STXBP6: variants seen among roughly 807,000 people sequenced by gnomAD.
STXBP6 encodes the protein syntaxin-binding protein 6.
Under a neutral mutation model 26.9 loss-of-function variants are expected in STXBP6, and 21 were observed. That is an observed-to-expected ratio of 0.78 (90% CI 0.55 to 1.12). STXBP6 has a LOEUF of 1.12. Among genes scored for constraint, STXBP6 ranks in the 50% most tolerant of loss-of-function variants. The pLI is 0.00. For synonymous variants in STXBP6, 97 were observed against 92.6 expected (o/e 1.05, Z -0.27); for missense variants, 232 against 257.9 (o/e 0.90, Z 0.69).
chr14:24,961,653 G>C (rs1233034990), intron 2 of STXBP6, among the ~76,000 whole-genome samples: 3 of 152,016 alleles, frequency 2.0e-5, no homozygotes, highest in Admixed American at 2.0e-4. Context: ...AAGGCAGCAG[G>C]GTGGAAAGGA....
intron 2 of STXBP6, among the ~76,000 whole-genome samples, chr14:24,905,917 G>A (rs1297917101): frequency 6.6e-6 from 1 of 152,080 alleles, no homozygotes; most frequent in Non-Finnish European, 1.5e-5. Flanking sequence ...TAAATTGTGG[G>A]CCACAGAAAT....
intron 2 of STXBP6, among the ~76,000 whole-genome samples, chr14:24,893,290 T>A (rs574965066): frequency 9.8e-5 from 15 of 152,344 alleles, no homozygotes; most frequent in Admixed American, 9.8e-4. Flanking sequence ...TTCAAAGTAT[T>A]CTGCATATAT....
At chr14:25,045,828 G>C (rs780263310) in intron 1 of STXBP6, among the ~76,000 whole-genome samples, 1 of 151,814 alleles carries the variant, frequency 6.6e-6, no homozygotes, top group Non-Finnish European at 1.5e-5. Context: ...GGCTGCTCTT[G>C]AACTCCTGAC....
chr14:24,974,633 T>G (rs141429691), intron 2 of STXBP6, 32 bp downstream of exon 2: 1 of 1,520,516 alleles, frequency 6.6e-7, no homozygotes, highest in African/African-American at 1.4e-5. Flanking sequence ...ATGGAAGTTA[T>G]TTTAATAATA....
chr14:25,030,764 G>A (rs144134657), intron 1 of STXBP6, among the ~76,000 whole-genome samples: 129 of 152,046 alleles, frequency 8.5e-4, no homozygotes, highest in African/African-American at 2.4e-3. Flanking sequence ...AAATTGCTAC[G>A]GCCTGGCTTC....
chr14:24,885,380 G>T (rs1356600656), intron 2 of STXBP6, among the ~76,000 whole-genome samples: 1 of 152,110 alleles, frequency 6.6e-6, no homozygotes, highest in Non-Finnish European at 1.5e-5. Flanking sequence ...TGTACTCAAG[G>T]TTTGGCATAT....
At chr14:24,857,183 A>G in intron 2 of STXBP6, 26 bp from the exon 3 acceptor site, 1 of 1,612,060 alleles carries the variant, frequency 6.2e-7, no homozygotes, top group Non-Finnish European at 8.5e-7. Flanking sequence ...CACTCAGATT[A>G]GTGCACCTGC....
At chr14:24,999,348 T>C (rs776262391) in intron 1 of STXBP6, among the ~76,000 whole-genome samples, 2 of 152,096 alleles carry the variant, frequency 1.3e-5, no homozygotes, top group African/African-American at 2.4e-5. Flanking sequence ...GACAGCAGAG[T>C]GCTCACCAGA....
chr14:25,040,734 A>G (rs1324721384), intron 1 of STXBP6, among the ~76,000 whole-genome samples: 3 of 152,202 alleles, frequency 2.0e-5, no homozygotes, highest in Non-Finnish European at 4.4e-5. Context: ...ACAGACACGC[A>G]TAGTTTGTAT....
At chr14:24,997,864 T>C (rs530115803) in intron 1 of STXBP6, among the ~76,000 whole-genome samples, 30 of 152,248 alleles carry the variant, frequency 2.0e-4, no homozygotes, top group Admixed American at 1.8e-3. Flanking sequence ...ATATATTATA[T>C]AGCTTGTGTG....
chr14:24,970,541 G>A (rs2073877450), intron 2 of STXBP6, among the ~76,000 whole-genome samples: 2 of 151,964 alleles, frequency 1.3e-5, no homozygotes, highest in African/African-American at 4.8e-5. Flanking sequence ...CATCCATGTT[G>A]CTACATATAT....
chr14:25,030,553 T>C (rs2075434568), intron 1 of STXBP6, among the ~76,000 whole-genome samples: 2 of 152,106 alleles, frequency 1.3e-5, no homozygotes, highest in Non-Finnish European at 2.9e-5. Context: ...GAAAACAAAA[T>C]GCTTACTGTG....
chr14:25,010,438 C>A (rs1279155237), intron 1 of STXBP6: 1 of 152,166 alleles, frequency 6.6e-6, no homozygotes, highest in African/African-American at 2.4e-5. Context: ...TTGCCTGAGG[C>A]TATTTTATAC....
intron 2 of STXBP6, among the ~76,000 whole-genome samples, chr14:24,918,782 A>C (rs1015480286): frequency 6.6e-6 from 1 of 152,112 alleles, no homozygotes; most frequent in African/African-American, 2.4e-5. Flanking sequence ...AAAAAGCAGA[A>C]TTACAGCATC....
intron 4 of STXBP6, among the ~76,000 whole-genome samples, chr14:24,850,434 C>CT (rs1414184106): frequency 1.3e-5 from 2 of 152,032 alleles, no homozygotes; most frequent in Non-Finnish European, 2.9e-5. Flanking sequence ...AAGAAATACC[C>CT]TTTGATGATG....
intron 1 of STXBP6, among the ~76,000 whole-genome samples, 185 bp from the exon 2 acceptor site, chr14:24,975,035 A>C (rs2074007904): frequency 6.6e-6 from 1 of 152,230 alleles, no homozygotes; most frequent in South Asian, 2.1e-4. Flanking sequence ...AACTATGAAA[A>C]AATAAAGACA....
intron 1 of STXBP6, among the ~76,000 whole-genome samples, chr14:24,981,969 T>C (rs183016879): frequency 2.6e-5 from 4 of 152,308 alleles, no homozygotes; most frequent in Non-Finnish European, 4.4e-5. Flanking sequence ...AATGAGCTCA[T>C]GAATTTGCAA....
intron 2 of STXBP6, among the ~76,000 whole-genome samples, chr14:24,864,694 A>G (rs936255876): frequency 6.6e-6 from 1 of 152,176 alleles, no homozygotes; most frequent in Non-Finnish European, 1.5e-5. Context: ...ACTAGATACT[A>G]AACATATATC....
At chr14:24,932,822 C>T (rs1255714055) in intron 2 of STXBP6, among the ~76,000 whole-genome samples, 4 of 152,132 alleles carry the variant, frequency 2.6e-5, no homozygotes, top group African/African-American at 9.7e-5. Context: ...CGCAACTCAA[C>T]TATTGTCATT....
Sources: gnomAD v4.1 joint callset for allele counts (sites outside exome capture counted in the v4.1 genomes callset) on GRCh38, gnomAD v4.1.1 for gene constraint, MANE v1.5 for transcripts, NCBI Gene and HGNC (gene_info 2026-07-23, HGNC 2026-07-21) for gene names.